IL22RA2: variants seen among roughly 807,000 people sequenced by gnomAD.
The protein encoded by IL22RA2 is interleukin 22 receptor subunit alpha 2, also known as interleukin-22 receptor subunit alpha-2.
A neutral mutation model predicts 30.7 loss-of-function variants in IL22RA2; 39 were observed. That is an observed-to-expected ratio of 1.27 (90% CI 0.98 to 1.66). The LOEUF is 1.66. Among genes scored for constraint, IL22RA2 ranks in the 40% most tolerant of loss-of-function variants. The pLI is 0.00. For missense variants in IL22RA2, 315 were observed against 312.7 expected, an observed-to-expected ratio of 1.01 and a Z score of -0.05; for synonymous variants, 103 against 105.0, an observed-to-expected ratio of 0.98 and a Z score of 0.11.
chr6:137,151,208 G>C (rs994759819), intron 5 of IL22RA2, among the ~76,000 whole-genome samples: 1 of 152,110 alleles, frequency 6.6e-6, no homozygotes, highest in African/African-American at 2.4e-5. Flanking sequence ...TGTGGTATGG[G>C]CACAATGATG....
At chr6:137,148,944 TG>T (rs1365755619) in intron 5 of IL22RA2, among the ~76,000 whole-genome samples, 1 of 152,212 alleles carries the variant, frequency 6.6e-6, no homozygotes, top group African/African-American at 2.4e-5. Flanking sequence ...GCAAGTTTCT[TG>T]ACCCATTCAC....
intron 5 of IL22RA2, among the ~76,000 whole-genome samples, chr6:137,154,263 C>A (rs1421316997): frequency 1.3e-5 from 2 of 152,120 alleles, no homozygotes; most frequent in South Asian, 4.1e-4. Context: ...TTTTCATGAA[C>A]TTAACCCTCG....
chr6:137,170,373 A>G (rs948030845), intron 1 of IL22RA2, among the ~76,000 whole-genome samples: 1 of 152,194 alleles, frequency 6.6e-6, no homozygotes, highest in Non-Finnish European at 1.5e-5. Flanking sequence ...AAAAGGGAAT[A>G]TTAACAGCCT....
rs745324254 is a variant in IL22RA2 at position 137,145,390 on chromosome 6, C to G, written c.*234G>C. ...TCTGAATTTCATAGAACACTTTATTCTCTGCCTCATCTTTACATTTCAATT... is the reference window on the plus strand; with the variant it reads ...TCTGAATTTCATAGAACACTTTATTGTCTGCCTCATCTTTACATTTCAATT... On this transcript the variant is annotated 3_prime_UTR_variant, in exon 7 of 7. Coordinates refer to ENST00000296980, the MANE Select transcript of IL22RA2 (RefSeq NM_052962.3). 4.1e-5 allele frequency: 16 copies of G among 388,206 alleles called. No homozygotes were observed. Among genetic ancestry groups the G allele is most frequent in the Non-Finnish European group, 6.4e-5 (14 of 220,092 alleles). 24.0% of individuals were successfully genotyped at this position (388,206 alleles called of 1,614,324 possible). A position where few individuals can be genotyped will look rare whatever the true frequency, so the allele number is the denominator to read the frequency against.
At chr6:137,147,676 A>C in intron 6 of IL22RA2, 46 bp downstream of exon 6, 1 of 1,396,748 alleles carries the variant, frequency 7.2e-7, no homozygotes, top group South Asian at 1.4e-5. Context: ...TTGGTTAAAT[A>C]AACAAAAGAA....
At chr6:137,145,904 T>A in intron 6 of IL22RA2, 131 bp from the exon 7 acceptor site, 1 of 936,254 alleles carries the variant, frequency 1.1e-6, no homozygotes, top group Admixed American at 2.3e-5. Flanking sequence ...CCCAGACACA[T>A]CCTTCTTTTC....
chr6:137,148,373 G>C (rs1778221775), intron 5 of IL22RA2, among the ~76,000 whole-genome samples: 1 of 152,104 alleles, frequency 6.6e-6, no homozygotes, highest in African/African-American at 2.4e-5. Context: ...ACCACATCCA[G>C]GCTAGTCTGA....
chr6:137,155,837 T>A (rs927269966), intron 4 of IL22RA2, among the ~76,000 whole-genome samples: 14 of 152,116 alleles, frequency 9.2e-5, no homozygotes, highest in African/African-American at 3.4e-4. Flanking sequence ...CTTGGCAAAA[T>A]GTTCTTTCTG....
chr6:137,168,489 C>T (rs9376263), intron 1 of IL22RA2, among the ~76,000 whole-genome samples: 78,673 of 152,024 alleles, frequency 0.52, 22,452 homozygotes, highest in African/African-American at 0.77. Flanking sequence ...TCTCAGTAAA[C>T]TAAATAATAT....
chr6:137,157,006 C>A, intron 3 of IL22RA2, 152 bp from the exon 4 acceptor site: 1 of 1,132,898 alleles, frequency 8.8e-7, no homozygotes, highest in Non-Finnish European at 1.2e-6. Context: ...AATAATGGTA[C>A]CAAGCCATTC....
chr6:137,146,938 G>A (rs28362174), intron 6 of IL22RA2, among the ~76,000 whole-genome samples: 3,548 of 152,166 alleles, frequency 0.023, 58 homozygotes, highest in Non-Finnish European at 0.037. Context: ...TGAGGCTGCC[G>A]TGAGCTGTGA....
rs1412101373 is a variant in IL22RA2 at position 137,145,755 on chromosome 6, C to T, written c.661G>A (p.Gly221Arg). The change falls in exon 7 of 7, where the codon GGG (glycine) becomes AGG (arginine). Residue 221 changes from glycine to arginine, a missense_variant. By Grantham distance (125) the Gly-to-Arg change is moderately radical. Transcript: ENST00000296980. ...SLEKEQKVYEGAHRAVEIEAL... is the reference protein window; with the variant it reads ...SLEKEQKVYERAHRAVEIEAL... ...TCAATTTCAACCGCTCTGTGAGCCCCTTCATAAACCTTTTGCTCCTACACA... is the reference window on the plus strand; with the variant it reads ...TCAATTTCAACCGCTCTGTGAGCCCTTTCATAAACCTTTTGCTCCTACACA... The T allele has an allele frequency of 8.1e-6, 13 of 1,613,872 alleles. No individual in the cohort carries two copies. The highest frequency in any genetic ancestry group is 1.1e-5 in the Non-Finnish European group (13 of 1,179,930).
At position 137,154,943 on chromosome 6, in the gene IL22RA2, T is replaced by G. The variant is rs1179817502; in HGVS notation, c.470A>C (p.Glu157Ala). 18 of 1,613,878 alleles carry G rather than the reference T, an allele frequency of 1.1e-5. No individual in the cohort carries two copies. Among genetic ancestry groups the G allele is most frequent in the Non-Finnish European group, 1.5e-5 (18 of 1,179,852 alleles). Residue 157 changes from glutamate to alanine, a missense_variant and splice_region_variant, in exon 5 of 7, where the codon GAA becomes GCA. By Grantham distance (107) the Glu-to-Ala change is moderately radical. Transcript: ENST00000296980. ...SMTPRFTPWW[E>A]TKIDPPVMNI... is the part of the protein sequence containing the mutation. ...CAAAGAAACTCCATGGAACTCACTT[T>G]CCCACCAGGGAGTGAACCGCGGCGT...
At chr6:137,159,237 G>A (rs956751057) in intron 2 of IL22RA2, among the ~76,000 whole-genome samples, 1 of 152,180 alleles carries the variant, frequency 6.6e-6, no homozygotes. Flanking sequence ...GTTGCATGGA[G>A]GCAAGAGAAT....
At chr6:137,168,553 A>G (rs953390470) in intron 1 of IL22RA2, among the ~76,000 whole-genome samples, 2 of 152,246 alleles carry the variant, frequency 1.3e-5, no homozygotes, top group Non-Finnish European at 2.9e-5. Context: ...AGAGCCACCA[A>G]GGCCATAATA....
At chr6:137,163,793 A>G (rs1168089053) in intron 1 of IL22RA2, among the ~76,000 whole-genome samples, 2 of 152,066 alleles carry the variant, frequency 1.3e-5, no homozygotes, top group Non-Finnish European at 2.9e-5. Flanking sequence ...AAGGAAAACC[A>G]TTTTGGGGAT....
chr6:137,156,941 A>G, intron 3 of IL22RA2, 87 bp from the exon 4 acceptor site: 2 of 1,539,716 alleles, frequency 1.3e-6, no homozygotes. Context: ...CTCTCATAGA[A>G]ACATTTCCAT....
intron 5 of IL22RA2, among the ~76,000 whole-genome samples, chr6:137,154,067 A>G (rs1318552799): frequency 6.6e-6 from 1 of 151,846 alleles, no homozygotes; most frequent in Admixed American, 6.6e-5. Context: ...ATTTTATCCA[A>G]TGTCTGTTGG....
intron 1 of IL22RA2, among the ~76,000 whole-genome samples, chr6:137,170,154 A>G (rs888273307): frequency 2.0e-5 from 3 of 152,186 alleles, no homozygotes; most frequent in East Asian, 1.9e-4. Flanking sequence ...AAAAGTACCA[A>G]CTGGTATCCC....
Sources: allele counts gnomAD v4.1 joint callset (sites outside exome capture counted in the v4.1 genomes callset), GRCh38; gene constraint gnomAD v4.1.1; transcripts MANE v1.5; gene names NCBI Gene and HGNC (gene_info 2026-07-23, HGNC 2026-07-21).